Variants in RUNX2 observed in about 807,000 individuals in gnomAD.
The protein encoded by RUNX2 is RUNX family transcription factor 2, also known as runt-related transcription factor 2.
In RUNX2, 10 loss-of-function variants were observed where a neutral mutation model predicts 51.7. The observed-to-expected ratio is 0.19, with a 90% CI of 0.12 to 0.33. The LOEUF (loss-of-function observed/expected upper bound fraction) is 0.33. Among genes scored for constraint, RUNX2 ranks in the 10% least tolerant of loss-of-function variants. RUNX2 has a pLI of 1.00. For missense variants in RUNX2, 562 were observed against 691.3 expected, an observed-to-expected ratio of 0.81 and a Z score of 2.10; for synonymous variants, 276 against 273.6, an observed-to-expected ratio of 1.01 and a Z score of -0.09.
At chr6:45,396,164 A>G (rs1342858648) in intron 2 of RUNX2, among the ~76,000 whole-genome samples, 2 of 152,242 alleles carry the variant, frequency 1.3e-5, no homozygotes, top group Non-Finnish European at 2.9e-5. Context: ...AGCATTTTAT[A>G]AAATGGAAAT....
intron 5 of RUNX2, among the ~76,000 whole-genome samples, chr6:45,438,522 G>T (rs926880425): frequency 2.0e-5 from 3 of 152,178 alleles, no homozygotes; most frequent in East Asian, 3.8e-4. Context: ...TAATTACAAA[G>T]AATTTATTTG....
At chr6:45,471,972 C>G (rs1028519279) in intron 5 of RUNX2, among the ~76,000 whole-genome samples, 2 of 152,032 alleles carry the variant, frequency 1.3e-5, no homozygotes, top group African/African-American at 4.8e-5. Context: ...TAAAGTTAAA[C>G]TTTGATACTG....
chr6:45,429,638 G>T (rs1342434413), intron 3 of RUNX2, among the ~76,000 whole-genome samples: 1 of 152,208 alleles, frequency 6.6e-6, no homozygotes, highest in African/African-American at 2.4e-5. Context: ...CCTCTGAGAT[G>T]AAAACAATGT....
At chr6:45,349,286 C>T (rs1204680907) in intron 2 of RUNX2, among the ~76,000 whole-genome samples, 1 of 152,134 alleles carries the variant, frequency 6.6e-6, no homozygotes, top group East Asian at 1.9e-4. Context: ...AATGAGTCCA[C>T]TAAAATAAGG....
At chr6:45,344,713 G>A (rs1424143731) in intron 2 of RUNX2, among the ~76,000 whole-genome samples, 1 of 152,016 alleles carries the variant, frequency 6.6e-6, no homozygotes, top group Non-Finnish European at 1.5e-5. Flanking sequence ...GGCTAGGAAA[G>A]CCTAGAGAAA....
chr6:45,437,279 G>A (rs933034761), intron 4 of RUNX2, among the ~76,000 whole-genome samples: 2 of 152,116 alleles, frequency 1.3e-5, no homozygotes, highest in Non-Finnish European at 2.9e-5. Context: ...AAAGTAAGTC[G>A]CTGTCAGGGG....
chr6:45,398,826 TA>T (rs770769053), intron 2 of RUNX2, among the ~76,000 whole-genome samples: 8 of 152,206 alleles, frequency 5.3e-5, no homozygotes, highest in Non-Finnish European at 8.8e-5. Context: ...TCTAAGAAAG[TA>T]GGTATTATTG....
intron 7 of RUNX2, among the ~76,000 whole-genome samples, chr6:45,519,211 T>C (rs900703810): frequency 5.9e-5 from 9 of 152,334 alleles, no homozygotes; most frequent in African/African-American, 1.9e-4. Context: ...ATTACTTTTA[T>C]GTATATGTCT....
Position 45,431,932 on chromosome 6 carries a change from T to G in RUNX2, c.493T>G (p.Ser165Ala). 3 of 1,614,140 alleles carry G rather than the reference T, an allele frequency of 1.9e-6. No homozygotes were observed. Among genetic ancestry groups the G allele is most frequent in the Non-Finnish European group, 2.5e-6 (3 of 1,180,008 alleles). ...CATGGCGGGTAACGATGAAAATTAT[T>G]CTGCTGAGCTCCGGAATGCCTCTGC... ...TVMAGNDENY[S>A]AELRNASAVM... Residue 165 changes from serine to alanine, a missense_variant, in exon 4 of 9, where the codon TCT becomes GCT. Physicochemically the swap from Ser to Ala is moderately conservative, Grantham distance 99. Around this residue, in one of 5 missense-constraint regions of RUNX2, gnomAD observed 67 missense variants for 106.5 expected, o/e 0.63. Coordinates refer to ENST00000647337, the MANE Select transcript of RUNX2 (RefSeq NM_001024630.4).
At chr6:45,418,739 A>T (rs1486759037) in intron 2 of RUNX2, among the ~76,000 whole-genome samples, 3 of 152,184 alleles carry the variant, frequency 2.0e-5, no homozygotes, top group South Asian at 4.1e-4. Context: ...CAGCAAAAGG[A>T]TGTTTTTGAA....
Position 45,328,453 on chromosome 6 carries a change from CAG to C in RUNX2, c.-71_-70del, listed in dbSNP as rs771239088. 7 of 1,466,512 alleles carry C rather than the reference CAG, an allele frequency of 4.8e-6. No individual in the cohort carries two copies. In the Admixed American group the frequency reaches 5.4e-5, roughly 11 times the overall value. The allele number at this position is 1,466,512 out of a possible 1,614,324, so 90.8% of individuals were successfully genotyped here. On this transcript the variant is annotated 5_prime_UTR_variant, in exon 1 of 9. The change abolishes the stop of an existing upstream ORF in the 5' untranslated region. Coordinates refer to ENST00000647337, the MANE Select transcript of RUNX2 (RefSeq NM_001024630.4). ...GGTCACTACCAGCCACCGAGACCAA[CAG>C]AGTCAGTGAGTGCTCTCTAACCACA... is the stretch of plus-strand genomic sequence containing the variant.
At chr6:45,383,299 G>C (rs1303781804) in intron 2 of RUNX2, among the ~76,000 whole-genome samples, 7 of 151,944 alleles carry the variant, frequency 4.6e-5, no homozygotes, top group Non-Finnish European at 1.0e-4. Context: ...TAGCCAGGTG[G>C]GGTGGCACAT....
chr6:45,400,438 G>A (rs1011955972), intron 2 of RUNX2, among the ~76,000 whole-genome samples: 4 of 152,146 alleles, frequency 2.6e-5, no homozygotes, highest in African/African-American at 9.7e-5. Flanking sequence ...TCCAGTAAAT[G>A]GTAACTGAGA....
rs574906610 is a variant in RUNX2, at chr6:45,546,754, C to T, written c.1088-73C>T. The T allele has an allele frequency of 7.5e-5, 97 of 1,294,390 alleles. No individual in the cohort carries two copies. In the Admixed American group the frequency reaches 7.5e-4, roughly 10 times the overall value. 80.2% of individuals were successfully genotyped at this position (1,294,390 alleles called of 1,614,324 possible). ...AAGCTAAAGTTTTCTCTTTTTTTTT[C>T]TTGTAACAATTCTATCATTATTTTA... is the stretch of plus-strand genomic sequence containing the variant. On this transcript the variant is annotated intron_variant, in intron 8 of 8. Coordinates refer to ENST00000647337, the MANE Select transcript of RUNX2 (RefSeq NM_001024630.4).
At position 45,451,389 on chromosome 6, in the gene RUNX2, T is replaced by A. The variant is rs925582751; in HGVS notation, c.685+13338T>A. 6.2e-4 allele frequency among the ~76,000 whole-genome samples: 95 copies of A among 152,222 alleles called. 1 individual carries two copies. Among genetic ancestry groups the A allele is most frequent in the Admixed American group, 6.2e-3 (95 of 15,284 alleles). On this transcript the variant is annotated intron_variant, in intron 5 of 8. Coordinates refer to ENST00000647337, the MANE Select transcript of RUNX2 (RefSeq NM_001024630.4). ...AAGTAGATTCTCTTAGGACTATGTA[T>A]CATGCAGTAAAGCCTTGGCTTATGT...
At chr6:45,393,937 T>C (rs191086690) in intron 2 of RUNX2, among the ~76,000 whole-genome samples, 2,233 of 151,050 alleles carry the variant, frequency 0.015, 35 homozygotes, top group Middle Eastern at 0.024. Context: ...CTTTTTTTTT[T>C]TTTTGAGACC....
At chr6:45,542,431 G>T (rs949208043) in intron 7 of RUNX2, among the ~76,000 whole-genome samples, 5 of 152,118 alleles carry the variant, frequency 3.3e-5, no homozygotes, top group African/African-American at 2.4e-5. Flanking sequence ...AGCTACATTT[G>T]TTTGCAAGCT....
chr6:45,470,499 G>T (rs963877432), intron 5 of RUNX2, among the ~76,000 whole-genome samples: 3 of 152,192 alleles, frequency 2.0e-5, no homozygotes, highest in Non-Finnish European at 4.4e-5. Flanking sequence ...TGCCAGAGGA[G>T]ATTACAAAGA....
chr6:45,531,873 T>C (rs1279254852), intron 7 of RUNX2, among the ~76,000 whole-genome samples: 3 of 127,852 alleles, frequency 2.3e-5, no homozygotes, highest in Non-Finnish European at 4.8e-5. Flanking sequence ...CAAAAAATCA[T>C]TTATTTAACT....
Sources: gnomAD v4.1 joint callset for allele counts (sites outside exome capture counted in the v4.1 genomes callset) on GRCh38, gnomAD v4.1.1 for gene constraint, gnomAD v4.1.1 regional missense constraint, MANE v1.5 for transcripts, NCBI Gene and HGNC (gene_info 2026-07-23, HGNC 2026-07-21) for gene names.